The following SPATA9 variants were observed in gnomAD, a reference collection of about 807,000 sequenced individuals.
The protein encoded by SPATA9 is spermatogenesis associated 9.
Under a neutral mutation model 25.5 loss-of-function variants are expected in SPATA9, and 27 were observed. The ratio of observed to expected loss-of-function variants is 1.06; its 90% CI spans 0.78 to 1.46. SPATA9 has a LOEUF of 1.46. Among genes scored for constraint, SPATA9 ranks in the 40% most tolerant of loss-of-function variants. The probability of loss-of-function intolerance (pLI) is 0.00; values close to 1 mark genes in which losing one functional copy is unlikely to be tolerated. For missense variants in SPATA9, 282 were observed against 297.5 expected (o/e 0.95, Z 0.38); for synonymous variants, 102 against 105.7 (o/e 0.97, Z 0.21).
At chr5:95,716,670 G>A in the SPATA9 span, among the ~76,000 whole-genome samples, 29 of 152,274 alleles carry the variant, frequency 1.9e-4, no homozygotes, top group Admixed American at 4.6e-4. Flanking sequence ...CATGATTGGC[G>A]TTGAAATGTG....
At chr5:95,665,168 C>T (rs1317337506) in intron 3 of SPATA9, among the ~76,000 whole-genome samples, 2 of 152,196 alleles carry the variant, frequency 1.3e-5, no homozygotes, top group East Asian at 3.8e-4. Context: ...GGGTAGTTAG[C>T]ATCTGTATCA....
At chr5:95,671,922 T>TA (rs11441112) in intron 3 of SPATA9, among the ~76,000 whole-genome samples, 88,233 of 148,478 alleles carry the variant, frequency 0.59, 26,687 homozygotes, top group African/African-American at 0.72. Flanking sequence ...TTAAAAAAAG[T>TA]AAAAAAAAAC....
upstream of SPATA9, among the ~76,000 whole-genome samples, chr5:95,700,725 C>T (rs187498403): frequency 2.2e-4 from 34 of 152,254 alleles, no homozygotes; most frequent in Middle Eastern, 3.4e-3. Context: ...CTGTGCCCGG[C>T]CCCAATAACT....
chr5:95,665,630 C>G (rs950688977), intron 3 of SPATA9, among the ~76,000 whole-genome samples: 1 of 150,836 alleles, frequency 6.6e-6, no homozygotes. Flanking sequence ...TGGTTGGACA[C>G]GTAGGTTGAT....
At chr5:95,676,508 G>A (rs926234541) in intron 2 of SPATA9, among the ~76,000 whole-genome samples, 4 of 152,010 alleles carry the variant, frequency 2.6e-5, no homozygotes, top group East Asian at 1.9e-4. Flanking sequence ...CTACAGCCAT[G>A]CCCATTTCTT....
the SPATA9 span, chr5:95,731,618 G>T: frequency 1.2e-6 from 2 of 1,605,838 alleles, no homozygotes; most frequent in Admixed American, 1.7e-5. Context: ...GCCGCCCGGG[G>T]GCCCCGCGAA....
chr5:95,714,999 T>A, the SPATA9 span, among the ~76,000 whole-genome samples: 1 of 152,198 alleles, frequency 6.6e-6, no homozygotes, highest in South Asian at 2.1e-4. Flanking sequence ...ACTTCTTTTC[T>A]TTGTGTAACT....
chr5:95,718,141 C>A, the SPATA9 span, among the ~76,000 whole-genome samples: 3 of 152,084 alleles, frequency 2.0e-5, no homozygotes, highest in African/African-American at 7.2e-5. Flanking sequence ...TAAACCTGAA[C>A]TAAAAGATAC....
chr5:95,692,296 T>C (rs1304320592), intron 1 of SPATA9, among the ~76,000 whole-genome samples: 2 of 152,174 alleles, frequency 1.3e-5, no homozygotes, highest in Non-Finnish European at 2.9e-5. Flanking sequence ...TAGTTAGAAC[T>C]CAGCTGTAGA....
the SPATA9 span, among the ~76,000 whole-genome samples, chr5:95,707,376 C>T: frequency 6.6e-6 from 1 of 151,852 alleles, no homozygotes; most frequent in Non-Finnish European, 1.5e-5. Flanking sequence ...CACACTGAGA[C>T]GAATTAAGAG....
chr5:95,707,028 G>T, the SPATA9 span, among the ~76,000 whole-genome samples: 7 of 152,126 alleles, frequency 4.6e-5, no homozygotes, highest in Non-Finnish European at 8.8e-5. Flanking sequence ...GGCCCTGAGG[G>T]TATTTTGATA....
At chr5:95,701,908 T>C (rs1326447107), upstream of SPATA9, among the ~76,000 whole-genome samples, 1 of 152,168 alleles carries the variant, frequency 6.6e-6, no homozygotes, top group Non-Finnish European at 1.5e-5. Context: ...TCAGTAATGT[T>C]CTAGAAAAAA....
the SPATA9 span, among the ~76,000 whole-genome samples, chr5:95,704,590 T>G: frequency 6.6e-6 from 1 of 152,048 alleles, no homozygotes; most frequent in Non-Finnish European, 1.5e-5. Flanking sequence ...AATTAAAGAG[T>G]TAAAACCAGC....
rs116115957 is a variant in SPATA9, at chr5:95,666,025, G to A, written c.379-1977C>T. Among the ~76,000 whole-genome samples the A allele has an allele frequency of 5.7e-3, 867 of 152,222 alleles. 16 individuals are homozygous for A. The highest frequency in any genetic ancestry group is 0.02 in the African/African-American group (832 of 41,546). On this transcript the variant is annotated intron_variant, in intron 3 of 4. Transcript: ENST00000274432. ...AACACGTGATAACTTTTTGTTGAAC[G>A]AACACTTACATGGCACTGTCTACCA...
chr5:95,701,244 T>C (rs1296398168), upstream of SPATA9: 1 of 152,140 alleles, frequency 6.6e-6, no homozygotes, highest in Non-Finnish European at 1.5e-5. Flanking sequence ...CTCAGTCTCT[T>C]ACCTTATCAG....
At chr5:95,668,566 T>G (rs1752046901) in intron 3 of SPATA9, among the ~76,000 whole-genome samples, 1 of 152,210 alleles carries the variant, frequency 6.6e-6, no homozygotes, top group Admixed American at 6.5e-5. Flanking sequence ...TTGGCCTATT[T>G]CAAAATTTTT....
the SPATA9 span, chr5:95,732,089 G>A: frequency 3.7e-6 from 6 of 1,613,166 alleles, no homozygotes; most frequent in East Asian, 1.1e-4. Flanking sequence ...GTCTGGGTAA[G>A]GAAGAGCAGC....
intron 3 of SPATA9, among the ~76,000 whole-genome samples, 153 bp from the exon 4 acceptor site, chr5:95,664,201 AT>A (rs1277439630): frequency 1.3e-5 from 2 of 152,146 alleles, no homozygotes; most frequent in African/African-American, 2.4e-5. Flanking sequence ...TGTGAAAATT[AT>A]TTTTCCTTTT....
the SPATA9 span, chr5:95,713,379 G>A: frequency 4.0e-5 from 6 of 151,546 alleles, no homozygotes; most frequent in African/African-American, 7.3e-5. Flanking sequence ...GGATCATGGC[G>A]GTGGATTTCC....
Sources: gnomAD v4.1 joint callset for allele counts (sites outside exome capture counted in the v4.1 genomes callset) on GRCh38, gnomAD v4.1.1 for gene constraint, MANE v1.5 for transcripts, NCBI Gene and HGNC (gene_info 2026-07-23, HGNC 2026-07-21) for gene names.